POLI: variants seen among roughly 807,000 people sequenced by gnomAD.
The protein encoded by POLI is DNA polymerase iota.
In POLI, 58 loss-of-function variants were observed where a neutral mutation model predicts 51.6. That is an observed-to-expected ratio of 1.12 (90% CI 0.91 to 1.40). POLI has a LOEUF of 1.40. POLI is among the 40% of genes most tolerant of loss of function. The pLI is 0.00. For missense variants in POLI, 921 were observed against 871.3 expected (o/e 1.06, Z -0.72); for synonymous variants, 322 against 299.7 (o/e 1.07, Z -0.77).
At chr18:54,272,377 A>C (rs1156921888) in intron 2 of POLI, 4 of 152,242 alleles carry the variant, frequency 2.6e-5, no homozygotes. Context: ...GCTTAATAAA[A>C]AAACTGTAAT....
intron 8 of POLI, among the ~76,000 whole-genome samples, chr18:54,290,453 A>G (rs2087952537): frequency 6.6e-6 from 1 of 152,188 alleles, no homozygotes; most frequent in South Asian, 2.1e-4. Flanking sequence ...TAGAAATACC[A>G]TTTGACCCAG....
chr18:54,313,172 G>A lies in POLI; in HGVS notation c.334-7101G>A, dbSNP rs148903416. On this transcript the variant is annotated intron_variant, in intron 3 of 4. Transcript: ENST00000579823. ...AGTTGCATTCTTCTGCATATGGATA[G>A]CCAGTTATCCCAGCACCATGTATTG... Among the ~76,000 whole-genome samples, 6 of 152,234 alleles carry A rather than the reference G, an allele frequency of 3.9e-5. No individual in the cohort carries two copies. The East Asian group carries it at 1.2e-3, about 29-fold the overall frequency.
At chr18:54,281,387 T>C (rs943513851) in intron 5 of POLI, among the ~76,000 whole-genome samples, 3 of 152,204 alleles carry the variant, frequency 2.0e-5, no homozygotes, top group Admixed American at 2.0e-4. Flanking sequence ...ATTTAGGTCA[T>C]GGGGCAAGTT....
At chr18:54,315,629 G>C (rs151141876) in intron 3 of POLI, among the ~76,000 whole-genome samples, 1 of 152,206 alleles carries the variant, frequency 6.6e-6, no homozygotes, top group Non-Finnish European at 1.5e-5. Context: ...TTATGAATCG[G>C]TGCTCCAATG....
intron 3 of POLI, among the ~76,000 whole-genome samples, chr18:54,309,735 C>G (rs888578422): frequency 2.0e-5 from 3 of 152,202 alleles, no homozygotes; most frequent in Admixed American, 6.5e-5. Flanking sequence ...GTGGGCTCCA[C>G]CCAGTTTGAG....
chr18:54,298,779 G>A (rs976372393), downstream of POLI, among the ~76,000 whole-genome samples: 1 of 151,596 alleles, frequency 6.6e-6, no homozygotes, highest in Non-Finnish European at 1.5e-5. Flanking sequence ...AATAGAGATG[G>A]CATTTCACCA....
chr18:54,270,786 T>C (rs1187617911), intron 1 of POLI: 1 of 152,244 alleles, frequency 6.6e-6, no homozygotes, highest in Non-Finnish European at 1.5e-5. Flanking sequence ...AGTCTTTCAA[T>C]TTAGTGAATA....
In POLI at chr18:54,273,926, G is replaced by T; in HGVS notation, c.242G>T (p.Gly81Val). ...SNPELKDKPL[G>V]VQQKYLVVTC... ...GTTTCTCATAAAATATTTTTTACAG[G>T]GGTTCAACAGAAATATTTGGTGGTT... The change falls in exon 3 of 10, where the codon GGG (glycine) becomes GTG (valine). Residue 81 changes from glycine (G) to valine (V), a missense_variant and splice_region_variant. Physicochemically the swap from Gly to Val is moderately radical, Grantham distance 109 (BLOSUM62 -3). Transcript: ENST00000579534. 6.7e-7 allele frequency: 1 copy of T among 1,497,178 alleles called. No individual in the cohort carries two copies. 92.7% of individuals were successfully genotyped at this position (1,497,178 alleles called of 1,614,324 possible). A position where few individuals can be genotyped will look rare whatever the true frequency, so the allele number is the denominator to read the frequency against.
intron 8 of POLI, 98 bp from the exon 9 acceptor site, chr18:54,291,735 A>G: frequency 1.7e-6 from 1 of 590,986 alleles, no homozygotes; most frequent in East Asian, 2.9e-5. Flanking sequence ...CAAGATGCCC[A>G]GTGATATTTA....
chr18:54,304,917 C>A (rs2088556395), intron 3 of POLI, among the ~76,000 whole-genome samples: 1 of 152,166 alleles, frequency 6.6e-6, no homozygotes, highest in Non-Finnish European at 1.5e-5. Flanking sequence ...AGTCTTTAAT[C>A]CATCTTGAAT....
At chr18:54,312,550 C>T (rs1266905376) in intron 3 of POLI, among the ~76,000 whole-genome samples, 2 of 152,104 alleles carry the variant, frequency 1.3e-5, no homozygotes, top group African/African-American at 4.8e-5. Flanking sequence ...TCCACAGTGG[C>T]TGAACTAATT....
At chr18:54,299,430 A>G (rs928335562), downstream of POLI, among the ~76,000 whole-genome samples, 3 of 152,194 alleles carry the variant, frequency 2.0e-5, no homozygotes, top group African/African-American at 4.8e-5. Context: ...GCAAGACTCC[A>G]TCTCAAAACA....
At position 54,297,498 on chromosome 18, in the gene POLI, GTATC is replaced by G. The variant is rs572644640; in HGVS notation, c.*3035_*3038del. On this transcript the variant is annotated 3_prime_UTR_variant, in exon 10 of 10. Coordinates refer to ENST00000579534, the MANE Select transcript of POLI (RefSeq NM_007195.3). ...TTTTGTACTAGGAGAACTCTAAAAA[GTATC>G]TATTCCACTGTAGTGCCAAAGTACA... 144 of 981,930 alleles carry G rather than the reference GTATC, an allele frequency of 1.5e-4. No homozygotes were observed. In the Admixed American group the frequency reaches 3.0e-3, roughly 21 times the overall value. 60.8% of individuals were successfully genotyped at this position (981,930 alleles called of 1,614,324 possible).
intron 1 of POLI, chr18:54,269,901 C>G: frequency 8.1e-7 from 1 of 1,239,230 alleles, no homozygotes; most frequent in Non-Finnish European, 1.0e-6. Flanking sequence ...GAGGGTTTAT[C>G]TGCGCCGTCC....
Position 54,277,777 on chromosome 18 carries a change from G to A in POLI, c.481G>A (p.Val161Ile). The change falls in exon 4 of 10, where the codon GTT (valine) becomes ATT (isoleucine). Residue 161 changes from valine (V) to isoleucine (I), a missense_variant. Coordinates refer to ENST00000579534, the MANE Select transcript of POLI (RefSeq NM_007195.3). ...DENFVDLTEM[V>I]EKRLQQLQSD... ...AAATTTTGTGGATCTAACAGAAATG[G>A]TTGAGAAGAGACTACAGCAGCTGCA... 3.1e-6 allele frequency: 5 copies of A among 1,612,240 alleles called. No individual in the cohort carries two copies. Among genetic ancestry groups the A allele is most frequent in the Non-Finnish European group, 4.2e-6 (5 of 1,178,574 alleles).
chr18:54,300,258 G>A (rs1466738238), downstream of POLI, among the ~76,000 whole-genome samples: 3 of 151,848 alleles, frequency 2.0e-5, no homozygotes, highest in Non-Finnish European at 4.4e-5. Context: ...ATATATTGTA[G>A]GATTACAATA....
intron 3 of POLI, among the ~76,000 whole-genome samples, chr18:54,314,110 T>G (rs764424345): frequency 2.0e-5 from 3 of 152,152 alleles, no homozygotes; most frequent in Non-Finnish European, 4.4e-5. Flanking sequence ...TTTATTATTT[T>G]GACATATGTT....
chr18:54,297,218 A>G lies in POLI; in HGVS notation c.*2751A>G. On this transcript the variant is annotated 3_prime_UTR_variant, in exon 10 of 10. Transcript: ENST00000579534. ...CTATCTGCCTCCAGGGATAAACCCC[A>G]TCTTTCAAGCTTGCTTCTTGCTTGA... is the stretch of plus-strand genomic sequence containing the variant. 1 of 984,082 alleles carries G rather than the reference A, an allele frequency of 1.0e-6. No individual in the cohort carries two copies. Among genetic ancestry groups the G allele is most frequent in the Non-Finnish European group, 1.2e-6 (1 of 829,788 alleles). 61.0% of individuals were successfully genotyped at this position (984,082 alleles called of 1,614,324 possible).
At chr18:54,271,541 C>G (rs1054847143) in intron 2 of POLI, 56 bp downstream of exon 2, 1 of 1,206,696 alleles carries the variant, frequency 8.3e-7, no homozygotes, top group African/African-American at 1.5e-5. Flanking sequence ...AGCAACTCAT[C>G]ATGCTCATTA....
Sources: gnomAD v4.1 joint callset for allele counts (sites outside exome capture counted in the v4.1 genomes callset) on GRCh38, gnomAD v4.1.1 for gene constraint, MANE v1.5 for transcripts, NCBI Gene and HGNC (gene_info 2026-07-23, HGNC 2026-07-21) for gene names.